The following LEKR1 variants were observed in gnomAD, a reference collection of about 807,000 sequenced individuals.
The protein encoded by LEKR1 is protein LEKR1.
LEKR1 carries 59 observed loss-of-function variants against 72.4 expected under a neutral mutation model. The observed-to-expected ratio is 0.82, with a 90% confidence interval of 0.66 to 1.01. LEKR1 has a LOEUF of 1.01. Among genes scored for constraint, LEKR1 ranks in the 50% least tolerant of loss-of-function variants. The probability of loss-of-function intolerance (pLI) is 0.00; values close to 1 mark genes in which losing one functional copy is unlikely to be tolerated. For missense variants in LEKR1, 728 were observed against 759.2 expected (o/e 0.96, Z 0.48); for synonymous variants, 257 against 263.2 (o/e 0.98, Z 0.23).
At position 157,018,740 on chromosome 3, in the gene LEKR1, C is replaced by T. The variant is rs114914579; in HGVS notation, c.1204-6020C>T. On this transcript the variant is annotated intron_variant, in intron 10 of 12. Transcript: ENST00000356539. Reference sequence around the variant, plus strand: ...GGTGAAGTTACTTACTTCTCTGAGCCTATCTCTTAATCGAGACAGTGGGAG... The same window carrying T: ...GGTGAAGTTACTTACTTCTCTGAGCTTATCTCTTAATCGAGACAGTGGGAG... Among the ~76,000 whole-genome samples, 167 of 152,264 alleles carry T rather than the reference C, an allele frequency of 1.1e-3. 1 individual carries two copies. The highest frequency in any genetic ancestry group is 3.8e-3 in the African/African-American group (158 of 41,542).
intron 10 of LEKR1, among the ~76,000 whole-genome samples, chr3:157,018,677 T>C (rs973436619): frequency 6.6e-6 from 1 of 152,204 alleles, no homozygotes; most frequent in Non-Finnish European, 1.5e-5. Context: ...CACCTGAGTA[T>C]ACACATTGTT....
intron 6 of LEKR1, among the ~76,000 whole-genome samples, chr3:156,972,757 T>C (rs1007743738): frequency 6.6e-6 from 1 of 150,830 alleles, no homozygotes; most frequent in Non-Finnish European, 1.5e-5. Flanking sequence ...ATTTAAACAG[T>C]GAGTAAAATA....
intron 6 of LEKR1, among the ~76,000 whole-genome samples, chr3:156,971,633 C>T (rs949743243): frequency 6.6e-6 from 1 of 151,860 alleles, no homozygotes; most frequent in African/African-American, 2.4e-5. Context: ...AGAACTCAAA[C>T]AAATTTACAA....
intron 3 of LEKR1, among the ~76,000 whole-genome samples, chr3:156,864,397 C>T (rs980770771): frequency 6.6e-5 from 10 of 152,016 alleles, no homozygotes; most frequent in Non-Finnish European, 1.2e-4. Context: ...CTATTATTTC[C>T]TCGTTTTATG....
At chr3:156,993,583 C>T (rs1731311194) in intron 9 of LEKR1, among the ~76,000 whole-genome samples, 3 of 151,662 alleles carry the variant, frequency 2.0e-5, no homozygotes, top group African/African-American at 4.8e-5. Flanking sequence ...ACTTGTACTA[C>T]TAAATTTCAC....
intron 3 of LEKR1, among the ~76,000 whole-genome samples, chr3:156,863,216 T>C (rs1716959779): frequency 6.6e-6 from 1 of 151,996 alleles, no homozygotes; most frequent in African/African-American, 2.4e-5. Context: ...AGTAGAGTAA[T>C]TAGGCTCTGG....
chr3:156,867,833 AAAT>A (rs555063256), intron 3 of LEKR1, among the ~76,000 whole-genome samples: 40 of 152,186 alleles, frequency 2.6e-4, no homozygotes, highest in African/African-American at 8.7e-4. Flanking sequence ...CGTAGGTGTT[AAAT>A]AATATGCTGA....
intron 2 of LEKR1, among the ~76,000 whole-genome samples, chr3:156,835,942 C>T (rs958388317): frequency 7.6e-5 from 10 of 131,650 alleles, no homozygotes; most frequent in African/African-American, 2.8e-4. Flanking sequence ...GGTGCAATCT[C>T]GACTCACTGC....
At chr3:157,003,075 A>G (rs1176269244) in intron 9 of LEKR1, among the ~76,000 whole-genome samples, 1 of 152,226 alleles carries the variant, frequency 6.6e-6, no homozygotes, top group African/African-American at 2.4e-5. Flanking sequence ...AGGCACTATC[A>G]GGAGATGCTC....
chr3:156,906,491 T>A (rs530227584), intron 3 of LEKR1, among the ~76,000 whole-genome samples: 1 of 152,270 alleles, frequency 6.6e-6, no homozygotes, highest in African/African-American at 2.4e-5. Context: ...ACCCTCTGAG[T>A]AGACAACATT....
chr3:156,839,848 A>C (rs917861823), intron 2 of LEKR1, among the ~76,000 whole-genome samples: 3 of 152,242 alleles, frequency 2.0e-5, no homozygotes, highest in African/African-American at 7.2e-5. Flanking sequence ...GGCACTATAT[A>C]GAAACATTTT....
At chr3:157,033,812 T>G (rs1188864983) in intron 12 of LEKR1, among the ~76,000 whole-genome samples, 1 of 152,172 alleles carries the variant, frequency 6.6e-6, no homozygotes, top group Admixed American at 6.5e-5. Context: ...GAAGCCAAAC[T>G]TCAAGAATTA....
At chr3:156,883,537 T>C (rs1182321648) in intron 3 of LEKR1, among the ~76,000 whole-genome samples, 1 of 152,184 alleles carries the variant, frequency 6.6e-6, no homozygotes, top group Non-Finnish European at 1.5e-5. Context: ...TTATCTTGAA[T>C]TGTAGCTCCC....
chr3:156,935,241 C>T (rs1488394679), intron 5 of LEKR1, among the ~76,000 whole-genome samples: 3 of 152,288 alleles, frequency 2.0e-5, no homozygotes, highest in African/African-American at 4.8e-5. Context: ...GACAGAAGCT[C>T]AAAGGTGGAA....
intron 4 of LEKR1, chr3:156,924,358 C>T: frequency 2.4e-6 from 1 of 414,030 alleles, no homozygotes; most frequent in Non-Finnish European, 4.3e-6. Flanking sequence ...TTTCTATATT[C>T]TGGGTATAAG....
At chr3:156,903,649 C>T (rs1722247872) in intron 3 of LEKR1, among the ~76,000 whole-genome samples, 1 of 152,130 alleles carries the variant, frequency 6.6e-6, no homozygotes, top group Non-Finnish European at 1.5e-5. Context: ...ACATTACTAC[C>T]CTTAAGATTT....
At chr3:157,001,753 C>T (rs1372940534) in intron 9 of LEKR1, among the ~76,000 whole-genome samples, 1 of 152,178 alleles carries the variant, frequency 6.6e-6, no homozygotes. Flanking sequence ...AGCTTTGTCA[C>T]TTGTGAATCA....
In LEKR1 at chr3:157,045,777, T is replaced by C; in HGVS notation, c.*27T>C. ...CCAAAATGAGGAGCAGGAAGCTCCC[T>C]ACAGCGTGCACGCTCTTTCAGAGAG... is the stretch of plus-strand genomic sequence containing the variant. On this transcript the variant is annotated 3_prime_UTR_variant, in exon 13 of 13. Transcript: ENST00000356539. 6.3e-7 allele frequency: 1 copy of C among 1,589,682 alleles called. No individual in the cohort carries two copies. Among genetic ancestry groups the C allele is most frequent in the Non-Finnish European group, 8.6e-7 (1 of 1,169,300 alleles).
chr3:156,874,981 G>C (rs1299065957), intron 3 of LEKR1, among the ~76,000 whole-genome samples: 1 of 152,112 alleles, frequency 6.6e-6, no homozygotes, highest in African/African-American at 2.4e-5. Flanking sequence ...ATTGTGAATT[G>C]TGCTGTGATA....
Sources: allele counts gnomAD v4.1 joint callset (sites outside exome capture counted in the v4.1 genomes callset), GRCh38; gene constraint gnomAD v4.1.1; transcripts MANE v1.5; gene names NCBI Gene and HGNC (gene_info 2026-07-23, HGNC 2026-07-21).